The following CSGALNACT1 variants were observed in gnomAD, a reference collection of about 807,000 sequenced individuals.
CSGALNACT1 encodes beta4GalNAcT-1.
A neutral mutation model predicts 51.0 loss-of-function variants in CSGALNACT1; 52 were observed. The observed-to-expected ratio is 1.02, with a 90% confidence interval of 0.82 to 1.29. The LOEUF (loss-of-function observed/expected upper bound fraction) is 1.29. CSGALNACT1 is among the 50% of genes most tolerant of loss of function. CSGALNACT1 has a pLI of 0.00. For missense variants in CSGALNACT1, 935 were observed against 679.2 expected, an observed-to-expected ratio of 1.38 and a Z score of -4.19; for synonymous variants, 341 against 254.4, an observed-to-expected ratio of 1.34 and a Z score of -3.24.
intron 8 of CSGALNACT1, 121 bp from the exon 8 acceptor site, chr8:19,408,815 C>T (rs2054923229): frequency 2.4e-6 from 2 of 840,306 alleles, no homozygotes; most frequent in African/African-American, 1.7e-5. Context: ...AAACAGCCTC[C>T]ACTGGTGCAG....
intron 6 of CSGALNACT1, among the ~76,000 whole-genome samples, chr8:19,437,752 T>C (rs112634648): frequency 6.6e-6 from 1 of 152,224 alleles, no homozygotes; most frequent in African/African-American, 2.4e-5. Context: ...AAAGTTTACA[T>C]AGCGTTACTT....
In CSGALNACT1 at chr8:19,707,990, G is replaced by A. The variant is rs535655269; in HGVS notation, c.-297+49860C>T. Reference sequence around the variant, plus strand: ...GCCACTGCACTCCAGCCTGGGTGACGGAGCGAGACTCCATCTCAAAAAAGA... The same window carrying A: ...GCCACTGCACTCCAGCCTGGGTGACAGAGCGAGACTCCATCTCAAAAAAGA... On this transcript the variant is annotated intron_variant, in intron 1 of 1. Transcript: ENST00000517494. 4.6e-5 allele frequency among the ~76,000 whole-genome samples: 7 copies of A among 152,144 alleles called. No homozygotes were observed. In the East Asian group the frequency reaches 5.8e-4, roughly 13 times the overall value.
At chr8:19,446,688 AT>A (rs2062176551) in intron 5 of CSGALNACT1, among the ~76,000 whole-genome samples, 1 of 151,800 alleles carries the variant, frequency 6.6e-6, no homozygotes, top group African/African-American at 2.4e-5. Context: ...TAATTTTTGT[AT>A]TTTCAGTGGA....
chr8:19,663,370 C>A (rs1457216278), intron 1 of CSGALNACT1, among the ~76,000 whole-genome samples: 1 of 152,090 alleles, frequency 6.6e-6, no homozygotes, highest in Non-Finnish European at 1.5e-5. Context: ...CCTCTTCTCG[C>A]CAAAATCTAA....
intron 1 of CSGALNACT1, among the ~76,000 whole-genome samples, chr8:19,710,607 C>A (rs929259312): frequency 6.6e-6 from 1 of 151,902 alleles, no homozygotes; most frequent in African/African-American, 2.4e-5. Context: ...GAGTGGTCCA[C>A]GAGTTCTTGT....
At chr8:19,459,189 C>T (rs1212654915) in intron 4 of CSGALNACT1, among the ~76,000 whole-genome samples, 1 of 151,954 alleles carries the variant, frequency 6.6e-6, no homozygotes, top group Non-Finnish European at 1.5e-5. Context: ...AGTCTGAGAA[C>T]AGCCTGGTCA....
At chr8:19,694,830 T>C (rs1472121381) in intron 1 of CSGALNACT1, among the ~76,000 whole-genome samples, 1 of 152,204 alleles carries the variant, frequency 6.6e-6, no homozygotes, top group Non-Finnish European at 1.5e-5. Context: ...ACAGGTCCAA[T>C]ACTGCAGGTT....
chr8:19,711,092 A>T (rs1564457637), intron 1 of CSGALNACT1, among the ~76,000 whole-genome samples: 1 of 152,140 alleles, frequency 6.6e-6, no homozygotes, highest in Non-Finnish European at 1.5e-5. Flanking sequence ...TTATGCTTTA[A>T]ATATAAATAT....
chr8:19,499,070 G>A (rs2075979231), intron 4 of CSGALNACT1, among the ~76,000 whole-genome samples: 1 of 152,200 alleles, frequency 6.6e-6, no homozygotes, highest in Non-Finnish European at 1.5e-5. Flanking sequence ...AGCCATGATC[G>A]TGCCACTGCA....
intron 4 of CSGALNACT1, among the ~76,000 whole-genome samples, chr8:19,472,560 A>G (rs2068440691): frequency 6.6e-6 from 1 of 152,248 alleles, no homozygotes; most frequent in African/African-American, 2.4e-5. Flanking sequence ...AACCAATTCA[A>G]GGTTGCAAAT....
At chr8:19,411,629 A>C (rs902710910) in intron 8 of CSGALNACT1, among the ~76,000 whole-genome samples, 3 of 152,174 alleles carry the variant, frequency 2.0e-5, no homozygotes, top group African/African-American at 4.8e-5. Context: ...CCTGGGGTCT[A>C]AGGTGGAGTG....
chr8:19,405,497 A>T (rs1445033162), exon 10 of CSGALNACT1: 1 of 589,540 alleles, frequency 1.7e-6, no homozygotes, highest in Non-Finnish European at 3.2e-6. Context: ...AGTGTGTTGT[A>T]AACACCATCA....
chr8:19,445,827 G>C (rs562854515), intron 5 of CSGALNACT1, among the ~76,000 whole-genome samples: 2 of 152,326 alleles, frequency 1.3e-5, no homozygotes, highest in African/African-American at 4.8e-5. Flanking sequence ...GTGTGTGAGA[G>C]TGTGTATGTG....
intron 2 of CSGALNACT1, among the ~76,000 whole-genome samples, chr8:19,592,556 A>G (rs536150526): frequency 6.6e-6 from 1 of 152,178 alleles, no homozygotes; most frequent in Non-Finnish European, 1.5e-5. Context: ...GTTTGAGACC[A>G]GCGTGGGCAC....
chr8:19,666,879 A>AGAGAGAG (rs2059289403), intron 1 of CSGALNACT1, among the ~76,000 whole-genome samples: 1 of 112,362 alleles, frequency 8.9e-6, no homozygotes, highest in Non-Finnish European at 1.9e-5. Context: ...GAAAGAAAGA[A>AGAGAGAG]AGAAAGAGAG....
chr8:19,676,305 A>C (rs1174685824), intron 1 of CSGALNACT1, among the ~76,000 whole-genome samples: 1 of 152,186 alleles, frequency 6.6e-6, no homozygotes, highest in African/African-American at 2.4e-5. Context: ...CAGCTATTTT[A>C]GCTATGTTCC....
At chr8:19,756,433 C>T (rs1324342284) in intron 1 of CSGALNACT1, among the ~76,000 whole-genome samples, 3 of 152,324 alleles carry the variant, frequency 2.0e-5, no homozygotes, top group Admixed American at 1.3e-4. Context: ...GTTAACATCT[C>T]TTCCTTTCTC....
chr8:19,507,368 C>T (rs898207753), intron 3 of CSGALNACT1, among the ~76,000 whole-genome samples: 15 of 151,810 alleles, frequency 9.9e-5, no homozygotes, highest in African/African-American at 3.6e-4. Context: ...AACTCTCAAT[C>T]TCAACAAATG....
At chr8:19,547,704 A>T (rs571112523) in intron 3 of CSGALNACT1, among the ~76,000 whole-genome samples, 4 of 152,246 alleles carry the variant, frequency 2.6e-5, no homozygotes, top group Non-Finnish European at 5.9e-5. Flanking sequence ...ATACCGTAGA[A>T]TACAATAAAG....
Sources: allele counts gnomAD v4.1 joint callset (sites outside exome capture counted in the v4.1 genomes callset), GRCh38; gene constraint gnomAD v4.1.1; transcripts MANE v1.5; gene names NCBI Gene and HGNC (gene_info 2026-07-23, HGNC 2026-07-21).